Variants in BMPR1B observed in about 807,000 individuals in gnomAD.
BMPR1B encodes the protein bone morphogenetic protein receptor type-1B.
In BMPR1B, 12 loss-of-function variants were observed where a neutral mutation model predicts 59.1. That is an observed-to-expected ratio of 0.20 (90% CI 0.13 to 0.33). The LOEUF (loss-of-function observed/expected upper bound fraction) is 0.33. Among genes scored for constraint, BMPR1B ranks in the 10% least tolerant of loss-of-function variants. The probability of loss-of-function intolerance (pLI) is 1.00; values close to 1 mark genes in which losing one functional copy is unlikely to be tolerated. For synonymous variants in BMPR1B, 237 were observed against 207.3 expected, an observed-to-expected ratio of 1.14 and a Z score of -1.23; for missense variants, 550 against 610.9, an observed-to-expected ratio of 0.90 and a Z score of 1.05.
chr4:95,136,290 G>A (rs1733778820), intron 10 of BMPR1B, among the ~76,000 whole-genome samples: 1 of 152,210 alleles, frequency 6.6e-6, no homozygotes, highest in Admixed American at 6.5e-5. Flanking sequence ...GCTTTTTGAT[G>A]TGCAGCTGGA....
intron 2 of BMPR1B, among the ~76,000 whole-genome samples, chr4:94,917,198 T>C (rs1728517255): frequency 1.3e-5 from 2 of 152,216 alleles, no homozygotes; most frequent in African/African-American, 4.8e-5. Flanking sequence ...GTTAGGATGG[T>C]GCTGAGGGGA....
intron 1 of BMPR1B, among the ~76,000 whole-genome samples, chr4:94,787,249 C>A (rs1722797279): frequency 6.6e-6 from 1 of 152,148 alleles, no homozygotes; most frequent in African/African-American, 2.4e-5. Flanking sequence ...GGCAGAGATC[C>A]TGCCAGTATC....
At chr4:95,060,178 A>G (rs1579008931) in intron 3 of BMPR1B, among the ~76,000 whole-genome samples, 6 of 152,278 alleles carry the variant, frequency 3.9e-5, no homozygotes, top group Admixed American at 6.5e-5. Flanking sequence ...ACTAAACCAA[A>G]TATTTGGGAG....
intron 2 of BMPR1B, among the ~76,000 whole-genome samples, chr4:94,954,449 A>C (rs2149058801): frequency 6.6e-6 from 1 of 152,350 alleles, no homozygotes; most frequent in Non-Finnish European, 1.5e-5. Context: ...AGGCTGCCAC[A>C]TATGGCTGCT....
chr4:95,060,089 A>G (rs956322400), intron 3 of BMPR1B, among the ~76,000 whole-genome samples: 13 of 152,138 alleles, frequency 8.5e-5, no homozygotes, highest in African/African-American at 2.9e-4. Context: ...TTTTCCCAGT[A>G]TGGTTCTATG....
intron 2 of BMPR1B, among the ~76,000 whole-genome samples, chr4:94,944,023 T>G (rs1172874588): frequency 6.6e-6 from 1 of 152,184 alleles, no homozygotes; most frequent in African/African-American, 2.4e-5. Context: ...CACACATAAG[T>G]ACTTACCACA....
intron 2 of BMPR1B, among the ~76,000 whole-genome samples, chr4:94,988,500 T>C (rs1315762573): frequency 6.6e-6 from 1 of 152,226 alleles, no homozygotes; most frequent in Non-Finnish European, 1.5e-5. Context: ...TGCTTTAGTT[T>C]AGTTTGCCAT....
chr4:94,860,124 A>T (rs1725921383), intron 1 of BMPR1B, among the ~76,000 whole-genome samples: 1 of 152,152 alleles, frequency 6.6e-6, no homozygotes, highest in South Asian at 2.1e-4. Flanking sequence ...AACTGGGTGG[A>T]ATTACTACAG....
chr4:94,962,144 C>A (rs1265899457), intron 2 of BMPR1B, among the ~76,000 whole-genome samples: 1 of 83,672 alleles, frequency 1.2e-5, no homozygotes, highest in Non-Finnish European at 2.4e-5. Flanking sequence ...TCCTTCCTTT[C>A]TTTTTTCTTT....
At chr4:95,076,921 TGAA>T (rs1452091667) in intron 3 of BMPR1B, among the ~76,000 whole-genome samples, 1 of 152,282 alleles carries the variant, frequency 6.6e-6, no homozygotes, top group Non-Finnish European at 1.5e-5. Context: ...AATCAGTTCA[TGAA>T]GAACATTGAA....
chr4:94,990,185 A>G (rs1025122255), intron 2 of BMPR1B, among the ~76,000 whole-genome samples: 11 of 152,062 alleles, frequency 7.2e-5, no homozygotes, highest in African/African-American at 2.7e-4. Context: ...GTGAAACCTC[A>G]TCTCTACTAA....
At chr4:94,853,692 A>C (rs1273841646) in intron 1 of BMPR1B, among the ~76,000 whole-genome samples, 2 of 152,166 alleles carry the variant, frequency 1.3e-5, no homozygotes, top group Non-Finnish European at 2.9e-5. Flanking sequence ...TCAGACTAGC[A>C]GCACATGCCG....
intron 1 of BMPR1B, among the ~76,000 whole-genome samples, chr4:94,783,406 CA>C (rs1722652175): frequency 6.6e-6 from 1 of 152,144 alleles, no homozygotes; most frequent in Non-Finnish European, 1.5e-5. Context: ...TGCTTACCAC[CA>C]AAATCTTTAT....
chr4:95,030,434 T>C (rs1724749506), intron 3 of BMPR1B, among the ~76,000 whole-genome samples: 1 of 152,132 alleles, frequency 6.6e-6, no homozygotes, highest in Admixed American at 6.6e-5. Context: ...TGTAGATATG[T>C]GGTGTTATTT....
At chr4:95,047,688 G>A (rs908540329) in intron 3 of BMPR1B, among the ~76,000 whole-genome samples, 3 of 152,142 alleles carry the variant, frequency 2.0e-5, no homozygotes, top group Non-Finnish European at 2.9e-5. Context: ...TTCATGGAGC[G>A]AGACTATCTA....
chr4:94,762,135 C>T (rs970724834), intron 1 of BMPR1B, among the ~76,000 whole-genome samples: 1 of 152,090 alleles, frequency 6.6e-6, no homozygotes, highest in Non-Finnish European at 1.5e-5. Context: ...TCAGGACATC[C>T]ACTTACATGC....
At chr4:94,852,726 C>G (rs938392413) in intron 1 of BMPR1B, among the ~76,000 whole-genome samples, 2 of 152,006 alleles carry the variant, frequency 1.3e-5, no homozygotes, top group Non-Finnish European at 2.9e-5. Context: ...TAAAAAAAAG[C>G]CAGAGCAACT....
intron 3 of BMPR1B, among the ~76,000 whole-genome samples, chr4:95,012,620 TAG>T (rs1723301900): frequency 2.0e-5 from 3 of 152,306 alleles, no homozygotes; most frequent in African/African-American, 7.2e-5. Flanking sequence ...AATATTGGCA[TAG>T]AGACAGTTAT....
rs189531484 is a variant in BMPR1B, at chr4:95,092,676, G to T, written c.-17-11732G>T. Among the ~76,000 whole-genome samples the T allele has an allele frequency of 3.9e-5, 6 of 152,184 alleles. No homozygotes were observed. The East Asian group carries it at 1.2e-3, about 29-fold the overall frequency. On this transcript the variant is annotated intron_variant, in intron 3 of 12. Transcript: ENST00000515059. ...AACAGTTTTCCTATTAGAGGGTATG[G>T]TAAGGATTAGGAGCAGAGAGGTTCT...
Sources: allele counts gnomAD v4.1 joint callset (sites outside exome capture counted in the v4.1 genomes callset), GRCh38; gene constraint gnomAD v4.1.1; transcripts MANE v1.5; gene names NCBI Gene and HGNC (gene_info 2026-07-23, HGNC 2026-07-21).